The following RALYL variants were observed in gnomAD, a reference collection of about 807,000 sequenced individuals.
The protein encoded by RALYL is RNA-binding Raly-like protein.
RALYL carries 29 observed loss-of-function variants against 35.1 expected under a neutral mutation model. That is an observed-to-expected ratio of 0.83 (90% CI 0.61 to 1.13). The LOEUF is 1.13. Ranked by LOEUF, RALYL falls within the 50% of genes most tolerant of loss-of-function variation. The probability of loss-of-function intolerance (pLI) is 0.00; values close to 1 mark genes in which losing one functional copy is unlikely to be tolerated. For synonymous variants in RALYL, 120 were observed against 127.6 expected, an observed-to-expected ratio of 0.94 and a Z score of 0.40; for missense variants, 359 against 360.4, an observed-to-expected ratio of 1.00 and a Z score of 0.03.
intron 1 of RALYL, among the ~76,000 whole-genome samples, chr8:84,452,353 A>G (rs768411029): frequency 4.6e-5 from 7 of 151,676 alleles, no homozygotes; most frequent in Non-Finnish European, 7.4e-5. Context: ...TTGTTTTAAT[A>G]CTATTTATAT....
At position 84,616,907 on chromosome 8, in the gene RALYL, T is replaced by C. The variant is rs967719533; in HGVS notation, c.256+87330T>C. ...GTCAAAGATCAGATAGTTGTAGATA[T>C]GTGGCATTATTTCTGAGGGCTCTGT... is the stretch of plus-strand genomic sequence containing the variant. On this transcript the variant is annotated intron_variant, in intron 2 of 8. Transcript: ENST00000521268. Among the ~76,000 whole-genome samples the C allele has an allele frequency of 2.1e-4, 32 of 150,826 alleles. No individual in the cohort carries two copies. The East Asian group carries it at 5.4e-3, about 26-fold the overall frequency.
intron 1 of RALYL, among the ~76,000 whole-genome samples, chr8:84,396,151 G>A (rs1179294811): frequency 6.6e-6 from 1 of 151,842 alleles, no homozygotes; most frequent in East Asian, 1.9e-4. Flanking sequence ...ACATGTTTGA[G>A]TTTGTTGTAT....
intron 2 of RALYL, among the ~76,000 whole-genome samples, chr8:84,694,797 C>A (rs1197605590): frequency 1.3e-5 from 2 of 151,794 alleles, no homozygotes; most frequent in East Asian, 3.9e-4. Context: ...ATGTTCTAAT[C>A]TAACCAGAAA....
intron 4 of RALYL, among the ~76,000 whole-genome samples, chr8:84,842,622 G>A (rs1394802547): frequency 6.6e-6 from 1 of 152,098 alleles, no homozygotes; most frequent in African/African-American, 2.4e-5. Context: ...ATTTTATGAG[G>A]CCTGCATCAT....
At chr8:84,615,189 T>C (rs1275842355) in intron 2 of RALYL, among the ~76,000 whole-genome samples, 2 of 151,934 alleles carry the variant, frequency 1.3e-5, no homozygotes, top group East Asian at 1.9e-4. Context: ...GAATTGTTAC[T>C]TTTTTGCTCT....
chr8:84,740,939 T>A (rs564302303), intron 2 of RALYL, among the ~76,000 whole-genome samples: 1 of 152,072 alleles, frequency 6.6e-6, no homozygotes, highest in East Asian at 1.9e-4. Context: ...CTATTATAAT[T>A]ACGCACTTTT....
At chr8:84,303,288 G>C (rs1269856991) in intron 1 of RALYL, among the ~76,000 whole-genome samples, 2 of 152,144 alleles carry the variant, frequency 1.3e-5, no homozygotes, top group Non-Finnish European at 2.9e-5. Context: ...GATAAAATTT[G>C]TCTGTTATTT....
chr8:84,469,077 G>T (rs1188512839), intron 1 of RALYL, among the ~76,000 whole-genome samples: 1 of 151,922 alleles, frequency 6.6e-6, no homozygotes, highest in African/African-American at 2.4e-5. Context: ...CAACTTCTTT[G>T]CCTTCGGTTT....
chr8:84,213,700 A>C (rs1357291220), intron 1 of RALYL, among the ~76,000 whole-genome samples: 1 of 152,220 alleles, frequency 6.6e-6, no homozygotes. Flanking sequence ...CTTTGAAAAC[A>C]AATCCCTGAA....
rs530570514 is a variant in RALYL at position 84,777,627 on chromosome 8, G to GTGTTT, written c.332+2990_332+2994dup. The stretch of plus-strand genomic sequence containing the variant: ...TCCTGTTCTTTGCATCTCTGAGTCT[G>GTGTTT]TGTTTTGTTTTGTTTTGTTTTATTT... On this transcript the variant is annotated intron_variant, in intron 3 of 8. Transcript: ENST00000521268. Among the ~76,000 whole-genome samples, 528 of 152,140 alleles carry GTGTTT rather than the reference G, an allele frequency of 3.5e-3. 3 individuals are homozygous for GTGTTT. The highest frequency in any genetic ancestry group is 5.5e-3 in the Non-Finnish European group (375 of 67,966).
At chr8:84,708,377 C>A (rs556500296) in intron 2 of RALYL, among the ~76,000 whole-genome samples, 4 of 152,140 alleles carry the variant, frequency 2.6e-5, no homozygotes, top group Non-Finnish European at 5.9e-5. Context: ...GTGCCCATTG[C>A]CTTGCTTCTG....
chr8:84,515,352 T>C (rs943257733), intron 1 of RALYL, among the ~76,000 whole-genome samples: 1 of 152,190 alleles, frequency 6.6e-6, no homozygotes, highest in African/African-American at 2.4e-5. Context: ...GGCACTAGCA[T>C]GTTTTTGCGT....
intron 1 of RALYL, among the ~76,000 whole-genome samples, chr8:84,352,913 T>C (rs1851185468): frequency 6.7e-6 from 1 of 150,018 alleles, no homozygotes; most frequent in Non-Finnish European, 1.5e-5. Flanking sequence ...TAAACTCTTT[T>C]TAGTAAGAAA....
At chr8:84,650,122 CA>C (rs1183372673) in intron 2 of RALYL, among the ~76,000 whole-genome samples, 1 of 151,986 alleles carries the variant, frequency 6.6e-6, no homozygotes, top group African/African-American at 2.4e-5. Flanking sequence ...GATTTTTGTA[CA>C]TTGATTTTGT....
intron 1 of RALYL, among the ~76,000 whole-genome samples, chr8:84,332,484 G>A (rs773923088): frequency 6.6e-6 from 1 of 152,122 alleles, no homozygotes; most frequent in Non-Finnish European, 1.5e-5. Context: ...CTCGGAGCAT[G>A]AGAAATGGAA....
intron 2 of RALYL, among the ~76,000 whole-genome samples, chr8:84,696,616 A>G (rs774883307): frequency 6.6e-6 from 1 of 151,974 alleles, no homozygotes; most frequent in South Asian, 2.1e-4. Flanking sequence ...AAAAATATTA[A>G]AAATAATACA....
chr8:84,573,333 A>C (rs1399921267), intron 2 of RALYL, among the ~76,000 whole-genome samples: 1 of 151,658 alleles, frequency 6.6e-6, no homozygotes, highest in African/African-American at 2.4e-5. Flanking sequence ...GCCAGATAGA[A>C]CTTTAGTATT....
chr8:84,847,757 A>C (rs549988705), intron 4 of RALYL, among the ~76,000 whole-genome samples: 2 of 152,320 alleles, frequency 1.3e-5, no homozygotes, highest in South Asian at 4.1e-4. Context: ...GCATAGATGG[A>C]TACAGCATTG....
At chr8:84,360,264 T>C (rs932688931) in intron 1 of RALYL, among the ~76,000 whole-genome samples, 1 of 152,220 alleles carries the variant, frequency 6.6e-6, no homozygotes, top group African/African-American at 2.4e-5. Flanking sequence ...TGCTAGAATT[T>C]TGAAACCCCA....
Sources: gnomAD v4.1 joint callset for allele counts (sites outside exome capture counted in the v4.1 genomes callset) on GRCh38, gnomAD v4.1.1 for gene constraint, MANE v1.5 for transcripts, NCBI Gene and HGNC (gene_info 2026-07-23, HGNC 2026-07-21) for gene names.